The following NAV2 variants were observed in gnomAD, a reference collection of about 807,000 sequenced individuals.
NAV2 encodes helicase, APC down-regulated 1.
NAV2 carries 54 observed loss-of-function variants against 223.2 expected under a neutral mutation model. That is an observed-to-expected ratio of 0.24 (90% CI 0.19 to 0.30). The LOEUF is 0.30. Ranked by LOEUF, NAV2 falls within the 10% of genes least tolerant of loss-of-function variation. NAV2 has a pLI of 1.00. For synonymous variants in NAV2, 1,279 were observed against 1,239.3 expected, an observed-to-expected ratio of 1.03 and a Z score of -0.67; for missense variants, 2,806 against 3,147.5, an observed-to-expected ratio of 0.89 and a Z score of 2.60.
At position 19,977,716 on chromosome 11, in the gene NAV2, A is replaced by T. The variant is rs575448232; in HGVS notation, c.2646-6409A>T. 2.0e-5 allele frequency among the ~76,000 whole-genome samples: 3 copies of T among 150,904 alleles called. No individual in the cohort carries two copies. The South Asian group carries it at 6.3e-4, about 32-fold the overall frequency. Reference sequence around the variant, plus strand: ...AATTAAGCCCTTTTTTTTTCCAGTCATATTTTTGCATTTCAGAGCATTCTC... The same window carrying T: ...AATTAAGCCCTTTTTTTTTCCAGTCTTATTTTTGCATTTCAGAGCATTCTC... On this transcript the variant is annotated intron_variant, in intron 10 of 37. Transcript: ENST00000349880.
At chr11:19,625,687 T>A (rs112209515) in intron 1 of NAV2, among the ~76,000 whole-genome samples, 1 of 152,236 alleles carries the variant, frequency 6.6e-6, no homozygotes, top group African/African-American at 2.4e-5. Context: ...AGTTCCCTTT[T>A]CTCTGTATCT....
chr11:19,627,658 G>T (rs528573874), intron 1 of NAV2, among the ~76,000 whole-genome samples: 19 of 152,068 alleles, frequency 1.2e-4, no homozygotes, highest in Admixed American at 5.2e-4. Flanking sequence ...GTTACAGTCT[G>T]CCCAGCTCCA....
chr11:19,345,476 T>A, the NAV2 span, among the ~76,000 whole-genome samples: 9 of 152,216 alleles, frequency 5.9e-5, no homozygotes, highest in African/African-American at 2.2e-4. This position sits in a 1 kb window ranked among gnomAD's most constrained non-coding sequence, Gnocchi z 5.2. Flanking sequence ...GGGACTGCCG[T>A]TGGGGAGAGG....
chr11:20,053,816 C>T (rs764574269), intron 17 of NAV2, among the ~76,000 whole-genome samples: 6 of 152,194 alleles, frequency 3.9e-5, no homozygotes, highest in Non-Finnish European at 8.8e-5. Context: ...CGCCCAGTGA[C>T]GGCTCTTCTG....
chr11:19,972,253 C>A (rs561664119), intron 10 of NAV2, among the ~76,000 whole-genome samples: 22 of 152,228 alleles, frequency 1.4e-4, no homozygotes, highest in Non-Finnish European at 2.2e-4. Context: ...TTCCTACAGA[C>A]AACCAGTGTT....
At chr11:19,425,034 C>A (rs557397405) in intron 1 of NAV2, among the ~76,000 whole-genome samples, 2 of 152,258 alleles carry the variant, frequency 1.3e-5, no homozygotes, top group African/African-American at 4.8e-5. Context: ...ATGCTTGAGG[C>A]ATTTTACTAA....
chr11:19,965,823 A>T (rs1250060582), intron 10 of NAV2, among the ~76,000 whole-genome samples: 1 of 152,236 alleles, frequency 6.6e-6, no homozygotes, highest in Non-Finnish European at 1.5e-5. Flanking sequence ...TATAGCAGAG[A>T]TGGCATATGT....
chr11:20,066,665 G>A (rs567297718), intron 20 of NAV2, among the ~76,000 whole-genome samples: 2 of 152,308 alleles, frequency 1.3e-5, no homozygotes, highest in East Asian at 1.9e-4. Flanking sequence ...TGTGCCCTGC[G>A]AGTTCTAATG....
intron 11 of NAV2, among the ~76,000 whole-genome samples, chr11:19,989,118 A>C (rs2051083653): frequency 6.6e-6 from 1 of 152,174 alleles, no homozygotes; most frequent in Non-Finnish European, 1.5e-5. Context: ...ATCATCCCCA[A>C]AGATGGCCAC....
intron 1 of NAV2, among the ~76,000 whole-genome samples, chr11:19,495,675 A>G (rs563879472): frequency 3.3e-5 from 5 of 152,346 alleles, no homozygotes; most frequent in Admixed American, 6.5e-5. Flanking sequence ...GCCTAAATGC[A>G]TGGATGAGAG....
intron 1 of NAV2, among the ~76,000 whole-genome samples, chr11:19,665,257 T>G (rs1318955384): frequency 6.6e-6 from 1 of 152,168 alleles, no homozygotes; most frequent in Non-Finnish European, 1.5e-5. Flanking sequence ...TTCCTGAAGC[T>G]CTCTAGGCTG....
intron 1 of NAV2, among the ~76,000 whole-genome samples, chr11:19,518,020 C>T (rs923316660): frequency 6.6e-6 from 1 of 152,256 alleles, no homozygotes; most frequent in African/African-American, 2.4e-5. Context: ...AACAATTCCT[C>T]TCAAACAGCA....
intron 6 of NAV2, among the ~76,000 whole-genome samples, chr11:19,916,068 A>G (rs2043779413): frequency 6.6e-6 from 1 of 152,240 alleles, no homozygotes; most frequent in Non-Finnish European, 1.5e-5. Context: ...GGAGTAAATT[A>G]GGTGATGCAA....
At position 19,949,367 on chromosome 11, in the gene NAV2, T is replaced by C. The variant is rs570885997; in HGVS notation, c.2645+287T>C. ...AAACCTTGCACTGAGGATGGACTAC[T>C]TGCAGGTTAGACGGCCTCCCCGGGC... On this transcript the variant is annotated intron_variant, in intron 10 of 37. Transcript: ENST00000349880. Among the ~76,000 whole-genome samples, 4 of 152,364 alleles carry C rather than the reference T, an allele frequency of 2.6e-5. No individual in the cohort carries two copies. In the South Asian group the frequency reaches 8.3e-4, roughly 32 times the overall value.
chr11:19,707,065 C>T (rs2049686399), intron 1 of NAV2, among the ~76,000 whole-genome samples: 2 of 152,022 alleles, frequency 1.3e-5, no homozygotes, highest in African/African-American at 4.8e-5. Context: ...TTGGATAGGG[C>T]ATTTACCATG....
chr11:20,010,683 A>G (rs1475419310), intron 11 of NAV2, among the ~76,000 whole-genome samples: 1 of 152,170 alleles, frequency 6.6e-6, no homozygotes, highest in Non-Finnish European at 1.5e-5. Flanking sequence ...TTGCAGTTCT[A>G]CCACCGGGTG....
In NAV2 at chr11:19,777,437, C is replaced by A. The variant is rs537102077; in HGVS notation, c.268-55047C>A. On this transcript the variant is annotated intron_variant, in intron 1 of 37. Transcript: ENST00000349880. ...TTTTTTTCCCCTCCTCCTTTTTCCT[C>A]TGCCCCTTCCTTCCTCGCCCTGAAG... 942 of 449,472 alleles carry A rather than the reference C, an allele frequency of 2.1e-3. 6 individuals are homozygous for A. Among genetic ancestry groups the A allele is most frequent in the African/African-American group, 0.017 (817 of 49,238 alleles). 27.8% of individuals were successfully genotyped at this position (449,472 alleles called of 1,614,324 possible).
chr11:19,870,662 T>G lies in NAV2; in HGVS notation c.511+1665T>G, dbSNP rs552017785. On this transcript the variant is annotated intron_variant, in intron 4 of 37. Coordinates refer to ENST00000349880, the MANE Select transcript of NAV2 (RefSeq NM_145117.5). ...TATTTGTTGAAAGAACAAGTACCAA[T>G]TGTACTTTGCAGGATTTTATCTGTA... 2.0e-4 allele frequency among the ~76,000 whole-genome samples: 31 copies of G among 152,330 alleles called. No individual in the cohort carries two copies. The Middle Eastern group carries it at 0.01, about 50-fold the overall frequency.
At chr11:19,390,949 A>G (rs935115647) in intron 1 of NAV2, among the ~76,000 whole-genome samples, 2 of 152,170 alleles carry the variant, frequency 1.3e-5, no homozygotes, top group African/African-American at 4.8e-5. Context: ...TGATAACACT[A>G]TCCCTTCCAA....
Sources: allele counts gnomAD v4.1 joint callset (sites outside exome capture counted in the v4.1 genomes callset), GRCh38; gene constraint gnomAD v4.1.1; non-coding constraint Gnocchi (gnomAD v3.1); transcripts MANE v1.5; gene names NCBI Gene and HGNC (gene_info 2026-07-23, HGNC 2026-07-21).